NLGN1: variants seen among roughly 807,000 people sequenced by gnomAD.
NLGN1 encodes neuroligin 1, also known as neuroligin-1.
A neutral mutation model predicts 65.5 loss-of-function variants in NLGN1; 12 were observed. That is an observed-to-expected ratio of 0.18 (90% CI 0.12 to 0.30). The LOEUF is 0.30. NLGN1 is among the 10% of genes least tolerant of loss of function. The pLI, the probability that NLGN1 is intolerant of heterozygous loss-of-function variation, is 1.00. For missense variants in NLGN1, 750 were observed against 1,007.1 expected (o/e 0.74, Z 3.46); for synonymous variants, 350 against 359.5 (o/e 0.97, Z 0.30).
At chr3:173,657,333 C>G (rs993358355) in intron 3 of NLGN1, among the ~76,000 whole-genome samples, 3 of 151,942 alleles carry the variant, frequency 2.0e-5, no homozygotes, top group Admixed American at 1.3e-4. Flanking sequence ...TTCTATAGTG[C>G]AAATTGAATT....
intron 4 of NLGN1, among the ~76,000 whole-genome samples, chr3:174,176,572 G>T (rs1729484012): frequency 6.8e-6 from 1 of 146,246 alleles, no homozygotes; most frequent in East Asian, 1.9e-4. Context: ...CTTCAGTTCA[G>T]TTTTGTTTTG....
chr3:174,126,888 T>C (rs972511057), intron 4 of NLGN1, among the ~76,000 whole-genome samples: 6 of 152,118 alleles, frequency 3.9e-5, no homozygotes, highest in African/African-American at 1.2e-4. Context: ...CCAAAGACAT[T>C]AGAAGCTTTT....
chr3:173,932,880 T>G (rs1364159675), intron 4 of NLGN1, among the ~76,000 whole-genome samples: 2 of 152,144 alleles, frequency 1.3e-5, no homozygotes, highest in African/African-American at 2.4e-5. Context: ...GGTGCTGTAT[T>G]ATAGCTTAGC....
At chr3:174,261,593 A>G (rs1430920971) in intron 4 of NLGN1, among the ~76,000 whole-genome samples, 4 of 133,484 alleles carry the variant, frequency 3.0e-5, no homozygotes, top group Non-Finnish European at 6.3e-5. Flanking sequence ...GGGCTGAGAC[A>G]ATGGGGTTTT....
chr3:173,819,899 G>A (rs1719874602), intron 4 of NLGN1, among the ~76,000 whole-genome samples: 1 of 152,194 alleles, frequency 6.6e-6, no homozygotes, highest in African/African-American at 2.4e-5. Context: ...TAGAAAGAGT[G>A]GCTGGTGGTA....
At chr3:174,058,770 T>A (rs1209499936) in intron 4 of NLGN1, among the ~76,000 whole-genome samples, 2 of 152,114 alleles carry the variant, frequency 1.3e-5, no homozygotes, top group Non-Finnish European at 2.9e-5. Flanking sequence ...AAAAAATTCC[T>A]TATAGTAATC....
chr3:173,709,816 A>T (rs1768654669), intron 3 of NLGN1, among the ~76,000 whole-genome samples: 1 of 151,416 alleles, frequency 6.6e-6, no homozygotes, highest in Admixed American at 6.6e-5. Flanking sequence ...AAAAAAAAAA[A>T]AAAAAAAAAA....
chr3:173,452,731 T>C (rs1033626395), intron 2 of NLGN1, among the ~76,000 whole-genome samples: 32 of 152,140 alleles, frequency 2.1e-4, no homozygotes, highest in African/African-American at 7.0e-4. Context: ...GATTACTTGA[T>C]AGATAGATGA....
At chr3:174,083,726 A>C (rs550553395) in intron 4 of NLGN1, among the ~76,000 whole-genome samples, 1 of 152,230 alleles carries the variant, frequency 6.6e-6, no homozygotes, top group African/African-American at 2.4e-5. Flanking sequence ...ATTTCTTCTT[A>C]TTTTGCATCC....
At chr3:173,760,274 G>A (rs79631743) in intron 3 of NLGN1, among the ~76,000 whole-genome samples, 7 of 151,884 alleles carry the variant, frequency 4.6e-5, no homozygotes, top group East Asian at 3.9e-4. Flanking sequence ...AGAAGAATCC[G>A]CATTGAATTT....
chr3:174,074,825 A>C (rs956544839), intron 4 of NLGN1, among the ~76,000 whole-genome samples: 1 of 152,172 alleles, frequency 6.6e-6, no homozygotes. Flanking sequence ...GACAAAAGTT[A>C]AGCAGTCCGT....
intron 4 of NLGN1, among the ~76,000 whole-genome samples, chr3:173,936,104 A>G (rs762183538): frequency 6.6e-5 from 10 of 151,906 alleles, no homozygotes; most frequent in Non-Finnish European, 1.3e-4. Context: ...TTTGCACATT[A>G]AGTCTTTTTT....
At chr3:174,256,624 T>C (rs1745820170) in intron 4 of NLGN1, among the ~76,000 whole-genome samples, 1 of 152,152 alleles carries the variant, frequency 6.6e-6, no homozygotes, top group Admixed American at 6.6e-5. Flanking sequence ...CTGTTCTAGA[T>C]TGTGGTTTTA....
intron 2 of NLGN1, among the ~76,000 whole-genome samples, chr3:173,458,063 T>C (rs531018502): frequency 6.6e-6 from 1 of 152,016 alleles, no homozygotes; most frequent in South Asian, 2.1e-4. Context: ...TTGGATGTCA[T>C]TGTGATATTG....
intron 4 of NLGN1, among the ~76,000 whole-genome samples, chr3:173,823,480 T>C (rs540230228): frequency 3.3e-5 from 5 of 152,258 alleles, no homozygotes; most frequent in Non-Finnish European, 5.9e-5. Context: ...ATGTACTTTA[T>C]ATTGTACTTA....
chr3:174,268,190 A>G (rs1748648681), intron 4 of NLGN1, among the ~76,000 whole-genome samples: 1 of 152,104 alleles, frequency 6.6e-6, no homozygotes, highest in Admixed American at 6.6e-5. Context: ...GAAGAATATG[A>G]TTTCCTTTGA....
At chr3:173,572,688 AG>A (rs1744841081) in intron 2 of NLGN1, among the ~76,000 whole-genome samples, 1 of 152,190 alleles carries the variant, frequency 6.6e-6, no homozygotes, top group Non-Finnish European at 1.5e-5. Flanking sequence ...CCAGATAAAG[AG>A]GGAAACCAAA....
chr3:173,818,488 T>TA (rs905693779), intron 4 of NLGN1, among the ~76,000 whole-genome samples: 3 of 152,126 alleles, frequency 2.0e-5, no homozygotes, highest in Non-Finnish European at 2.9e-5. Flanking sequence ...ACAAATCGTT[T>TA]AAAAAAGCAA....
At chr3:173,571,518 G>C (rs1214165138) in intron 2 of NLGN1, among the ~76,000 whole-genome samples, 1 of 152,106 alleles carries the variant, frequency 6.6e-6, no homozygotes, top group African/African-American at 2.4e-5. Flanking sequence ...AAAAATCTCT[G>C]TACTGGACAA....
Sources: allele counts gnomAD v4.1 joint callset (sites outside exome capture counted in the v4.1 genomes callset), GRCh38; gene constraint gnomAD v4.1.1; transcripts MANE v1.5; gene names NCBI Gene and HGNC (gene_info 2026-07-23, HGNC 2026-07-21).